Variants in PKP2 observed in about 807,000 individuals in gnomAD.
PKP2 encodes the protein plakophilin 2.
A neutral mutation model predicts 83.4 loss-of-function variants in PKP2; 73 were observed. The ratio of observed to expected loss-of-function variants is 0.88; its 90% CI spans 0.72 to 1.06. PKP2 has a LOEUF of 1.06. PKP2 is among the 50% of genes least tolerant of loss of function. The pLI is 0.00. For missense variants in PKP2, 966 were observed against 1,065.4 expected, an observed-to-expected ratio of 0.91 and a Z score of 1.30; for synonymous variants, 409 against 430.4, an observed-to-expected ratio of 0.95 and a Z score of 0.62.
chr12:32,843,301 T>C (rs1218400163), intron 5 of PKP2: 3 of 1,364,556 alleles, frequency 2.2e-6, no homozygotes, highest in East Asian at 4.5e-5. Flanking sequence ...ACTTCTTAAA[T>C]TGACTGTATG....
rs191018901 is a variant in PKP2, at chr12:32,796,539, C to T, written c.2168-241G>A. ...TTGGGACTACAGGCACCCGCCACCA[C>T]GCCTGGCTAATTTTTTTATTTTTTT... On this transcript the variant is annotated intron_variant, in intron 10 of 12. Transcript: ENST00000340811. Among the ~76,000 whole-genome samples, 435 of 152,160 alleles carry T rather than the reference C, an allele frequency of 2.9e-3. No individual in the cohort carries two copies. The highest frequency in any genetic ancestry group is 3.2e-3 in the Non-Finnish European group (215 of 68,006).
In PKP2 at chr12:32,792,355, G is replaced by T. The variant is rs1434494403; in HGVS notation, c.*69C>A. 2 of 1,112,976 alleles carry T rather than the reference G, an allele frequency of 1.8e-6. No homozygotes were observed. The highest frequency in any genetic ancestry group is 2.4e-5 in the East Asian group (1 of 42,536). 68.9% of individuals were successfully genotyped at this position (1,112,976 alleles called of 1,614,324 possible). A position where few individuals can be genotyped will look rare whatever the true frequency, so the allele number is the denominator to read the frequency against. ...AAGGCATGCTTTTGAGGTTTCTTGG[G>T]CTGGGTAGTAGAAAAATAGGTGTTT... On this transcript the variant is annotated 3_prime_UTR_variant, in exon 13 of 13. Coordinates refer to ENST00000340811, the MANE Select transcript of PKP2 (RefSeq NM_001005242.3).
At chr12:32,850,419 A>T (rs1956685273) in intron 5 of PKP2, among the ~76,000 whole-genome samples, 1 of 151,932 alleles carries the variant, frequency 6.6e-6, no homozygotes, top group Non-Finnish European at 1.5e-5. Context: ...AAATACAAAA[A>T]TTAGCCAGGT....
intron 12 of PKP2, 49 bp from the exon 13 acceptor site, chr12:32,792,541 A>G: frequency 6.4e-7 from 1 of 1,574,346 alleles, no homozygotes; most frequent in Non-Finnish European, 8.7e-7. Flanking sequence ...ACTGGCACAC[A>G]AGAAAATGCA....
Position 32,808,121 on chromosome 12 carries a change from C to A in PKP2, c.2014-5565G>T, listed in dbSNP as rs182827266. On this transcript the variant is annotated intron_variant, in intron 9 of 12. Coordinates refer to ENST00000340811, the MANE Select transcript of PKP2 (RefSeq NM_001005242.3). Reference sequence around the variant, plus strand: ...TGGATGATATACTAAAGTATGTTTTCCAACTTGGTTCTGTTCTCCCTGTCT... The same window carrying A: ...TGGATGATATACTAAAGTATGTTTTACAACTTGGTTCTGTTCTCCCTGTCT... 4.6e-5 allele frequency among the ~76,000 whole-genome samples: 7 copies of A among 152,246 alleles called. No homozygotes were observed. In the East Asian group the frequency reaches 1.4e-3, roughly 29 times the overall value.
At chr12:32,879,375 T>C (rs1591829491) in intron 1 of PKP2, among the ~76,000 whole-genome samples, 2 of 150,756 alleles carry the variant, frequency 1.3e-5, no homozygotes, top group Admixed American at 1.3e-4. Context: ...CTACTAAACA[T>C]ACAAAAATTA....
intron 11 of PKP2, among the ~76,000 whole-genome samples, chr12:32,793,826 A>G (rs1956096487): frequency 6.6e-6 from 1 of 151,724 alleles, no homozygotes; most frequent in Admixed American, 6.6e-5. Flanking sequence ...CGATCTCCTG[A>G]CTTCATGATC....
At chr12:32,826,403 G>A (rs957606512) in intron 6 of PKP2, among the ~76,000 whole-genome samples, 2 of 151,690 alleles carry the variant, frequency 1.3e-5, no homozygotes, top group African/African-American at 4.8e-5. Flanking sequence ...GTTGAACTCT[G>A]GAAACTGACA....
intron 10 of PKP2, among the ~76,000 whole-genome samples, chr12:32,797,680 C>A (rs563820384): frequency 4.0e-5 from 6 of 151,540 alleles, no homozygotes; most frequent in South Asian, 2.1e-4. Flanking sequence ...CTCAGCCTCC[C>A]GAGTAGCTGG....
At chr12:32,868,397 T>C (rs554349086) in intron 4 of PKP2, among the ~76,000 whole-genome samples, 2 of 152,002 alleles carry the variant, frequency 1.3e-5, no homozygotes, top group East Asian at 3.9e-4. Context: ...TATTTTTTTT[T>C]AGTAGAGTTG....
intron 5 of PKP2, among the ~76,000 whole-genome samples, chr12:32,845,471 G>A (rs1402057598): frequency 1.3e-5 from 2 of 152,160 alleles, no homozygotes; most frequent in African/African-American, 4.8e-5. Context: ...AGAATGGCGT[G>A]AACCCGGGAG....
intron 9 of PKP2, among the ~76,000 whole-genome samples, chr12:32,818,113 G>A (rs1054092573): frequency 1.3e-5 from 2 of 152,132 alleles, no homozygotes; most frequent in Non-Finnish European, 2.9e-5. Context: ...GTTGGGGGCC[G>A]CTGAGGGAAT....
rs548972808 is a variant in PKP2 at position 32,829,859 on chromosome 12, C to T, written c.1557-5697G>A. Among the ~76,000 whole-genome samples, 43 of 152,128 alleles carry T rather than the reference C, an allele frequency of 2.8e-4. No homozygotes were observed. In the South Asian group the frequency reaches 7.5e-3, roughly 26 times the overall value. On this transcript the variant is annotated intron_variant, in intron 6 of 12. Transcript: ENST00000340811. Reference sequence around the variant, plus strand: ...TATTTTTAGTAGAGACAGGGTTTCACCATGTTGGCCAGGCTACTCTCGAAC... The same window carrying T: ...TATTTTTAGTAGAGACAGGGTTTCATCATGTTGGCCAGGCTACTCTCGAAC...
intron 6 of PKP2, among the ~76,000 whole-genome samples, chr12:32,838,749 C>A (rs1429727370): frequency 6.6e-6 from 1 of 152,166 alleles, no homozygotes; most frequent in Non-Finnish European, 1.5e-5. Context: ...ATAGGCTTAG[C>A]TTTTATGGCA....
intron 11 of PKP2, among the ~76,000 whole-genome samples, chr12:32,795,164 G>A (rs1230438471): frequency 6.6e-6 from 1 of 151,806 alleles, no homozygotes; most frequent in Non-Finnish European, 1.5e-5. Context: ...AAATAATTTG[G>A]TTATACAAGG....
At chr12:32,817,865 A>T (rs2137762406) in intron 9 of PKP2, among the ~76,000 whole-genome samples, 1 of 152,318 alleles carries the variant, frequency 6.6e-6, no homozygotes, top group South Asian at 2.1e-4. Context: ...GCAGAAAGTG[A>T]GCAGTGAGCG....
chr12:32,859,036 T>C (rs1406438938), intron 4 of PKP2, among the ~76,000 whole-genome samples: 8 of 152,252 alleles, frequency 5.3e-5, no homozygotes, highest in Admixed American at 5.2e-4. Flanking sequence ...GCCTTTGCAC[T>C]TCTATTTCTA....
rs186523212 is a variant in PKP2 at position 32,870,118 on chromosome 12, C to A, written c.1035-1056G>T. On this transcript the variant is annotated intron_variant, in intron 3 of 12. Transcript: ENST00000340811. The stretch of plus-strand genomic sequence containing the variant: ...GCTTCAAAGAGGGTTATACCTGATT[C>A]ATTCCAGGTAACATTCCAGACACAT... Among the ~76,000 whole-genome samples the A allele has an allele frequency of 2.2e-3, 335 of 152,338 alleles. 1 individual carries two copies. Among genetic ancestry groups the A allele is most frequent in the Non-Finnish European group, 3.8e-3 (261 of 68,034 alleles).
At chr12:32,802,648 GTTTTAT>G in intron 9 of PKP2, 92 bp from the exon 10 acceptor site, 2 of 1,101,830 alleles carry the variant, frequency 1.8e-6, no homozygotes, top group Non-Finnish European at 2.7e-6. Context: ...TGATGAAGAT[GTTTTAT>G]TTTTATCTTA....
Sources: allele counts gnomAD v4.1 joint callset (sites outside exome capture counted in the v4.1 genomes callset), GRCh38; gene constraint gnomAD v4.1.1; transcripts MANE v1.5; gene names NCBI Gene and HGNC (gene_info 2026-07-23, HGNC 2026-07-21).